DCST2: variants seen among roughly 807,000 people sequenced by gnomAD.
The protein encoded by DCST2 is DC-STAMP domain containing 2, also known as DC-STAMP domain-containing protein 2.
A neutral mutation model predicts 81.8 loss-of-function variants in DCST2; 64 were observed. The observed-to-expected ratio is 0.78, with a 90% confidence interval of 0.64 to 0.96. The LOEUF (loss-of-function observed/expected upper bound fraction) is 0.96, where lower values mean the gene tolerates loss of function less well. Ranked by LOEUF, DCST2 falls within the 40% of genes least tolerant of loss-of-function variation. The pLI is 0.00. For synonymous variants in DCST2, 354 were observed against 402.6 expected, an observed-to-expected ratio of 0.88 and a Z score of 1.44; for missense variants, 945 against 1,001.4, an observed-to-expected ratio of 0.94 and a Z score of 0.76.
intron 8 of DCST2, 165 bp from the exon 9 acceptor site, chr1:155,026,880 G>A: frequency 1.3e-6 from 1 of 779,240 alleles, no homozygotes. Context: ...CCTGGGGCCT[G>A]ACCTCAGTTC....
chr1:155,018,822 T>C, intron 14 of DCST2, 62 bp from the exon 15 acceptor site: 2 of 1,491,924 alleles, frequency 1.3e-6, no homozygotes, highest in South Asian at 2.4e-5. Flanking sequence ...GGTGCATCCC[T>C]GCCCCCTGCC....
In DCST2 at chr1:155,024,096, C is replaced by A. The variant is rs60873083; in HGVS notation, c.1743-137G>T. 8,004 of 1,271,176 alleles carry A rather than the reference C, an allele frequency of 6.3e-3. 439 individuals are homozygous for A. The African/African-American group carries it at 0.11, about 17-fold the overall frequency. 78.7% of individuals were successfully genotyped at this position (1,271,176 alleles called of 1,614,324 possible). ...TCCTCCATCCCTCTGATTTCAGCAG[C>A]AACCTCTCCATGGCCCTGCCTTCCT... is the stretch of plus-strand genomic sequence containing the variant. On this transcript the variant is annotated intron_variant, in intron 11 of 14. Transcript: ENST00000368424.
At position 155,032,768 on chromosome 1, in the gene DCST2, C is replaced by A; in HGVS notation, c.440G>T (p.Ser147Ile). 1 of 1,614,016 alleles carries A rather than the reference C, an allele frequency of 6.2e-7. No individual in the cohort carries two copies. The highest frequency in any genetic ancestry group is 1.1e-5 in the South Asian group (1 of 91,076). Residue 147 changes from serine (S) to isoleucine (I), a missense_variant and splice_region_variant, in exon 3 of 15, where the codon AGT becomes ATT. Physicochemically the swap from Ser to Ile is moderately radical, Grantham distance 142. Transcript: ENST00000368424. ...AATAGCTTTAATCTTGTTCAGGGCA[C>A]CTGATGGGTGAGGGACAGAGGCACT... ...VLQRAKQPLV[S>I]ALNKIKAIAR... is the part of the protein sequence containing the mutation.
intron 12 of DCST2, 133 bp from the exon 13 acceptor site, chr1:155,023,590 G>A: frequency 6.5e-7 from 1 of 1,546,424 alleles, no homozygotes; most frequent in Non-Finnish European, 8.7e-7. Flanking sequence ...GCACACTAGG[G>A]AGCTGCTGCA....
chr1:155,018,776 A>G lies in DCST2; in HGVS notation c.2106-16T>C, dbSNP rs1659652780. The G allele has an allele frequency of 6.2e-7, 1 of 1,609,738 alleles. No homozygotes were observed. On this transcript the variant is annotated splice_polypyrimidine_tract_variant and intron_variant, in intron 14 of 14. Transcript: ENST00000368424. ...ATCCAGGTCACTAGTGAGGAGAGGAAGGGGGTGGCCGGATCACCCACCTTC... is the reference window on the plus strand; with the variant it reads ...ATCCAGGTCACTAGTGAGGAGAGGAGGGGGGTGGCCGGATCACCCACCTTC...
At position 155,031,515 on chromosome 1, in the gene DCST2, T is replaced by TTGCCCC; in HGVS notation, c.739+58_739+59insGGGGCA. On this transcript the variant is annotated intron_variant, in intron 4 of 14. Coordinates refer to ENST00000368424, the MANE Select transcript of DCST2 (RefSeq NM_144622.3). ...CTGCCCTCCCAACTGACCCCCACAT[T>TTGCCCC]CCCACCCCACCCCACCCCACATCGG... 78 of 643,122 alleles carry TTGCCCC rather than the reference T, an allele frequency of 1.2e-4. 5 individuals are homozygous for TTGCCCC. The highest frequency in any genetic ancestry group is 2.2e-4 in the Non-Finnish European group (74 of 343,054). The allele number at this position is 643,122 out of a possible 1,614,324, so 39.8% of individuals were successfully genotyped here.
intron 5 of DCST2, 28 bp downstream of exon 5, chr1:155,031,141 C>T (rs1379430678): frequency 6.3e-7 from 1 of 1,581,598 alleles, no homozygotes. Flanking sequence ...CTAGGGAGCA[C>T]CATATGTGGC....
chr1:155,027,074 C>G (rs999131983), intron 8 of DCST2, among the ~76,000 whole-genome samples: 3 of 151,898 alleles, frequency 2.0e-5, no homozygotes, highest in Non-Finnish European at 4.4e-5. Flanking sequence ...ACTTTGTCAC[C>G]CAGGCTGGAG....
At chr1:155,032,492 T>C (rs1660123769) in intron 3 of DCST2, among the ~76,000 whole-genome samples, 175 bp downstream of exon 3, 1 of 151,942 alleles carries the variant, frequency 6.6e-6, no homozygotes, top group Middle Eastern at 3.2e-3. Flanking sequence ...TATTTTTTTA[T>C]TTTTTATAGA....
rs555643451 is a variant in DCST2 at position 155,031,550 on chromosome 1, G to A, written c.739+24C>T. On this transcript the variant is annotated intron_variant, in intron 4 of 14. Transcript: ENST00000368424. ...CCCCACCCCACATCGGCTCCTCCCC[G>A]CTGGCAGACCCTGGTTTTCTCACGG... The A allele has an allele frequency of 2.5e-4, 72 of 285,910 alleles. 1 individual carries two copies. Among genetic ancestry groups the A allele is most frequent in the Admixed American group, 1.4e-3 (32 of 23,638 alleles). The allele number at this position is 285,910 out of a possible 1,614,324, so 17.7% of individuals were successfully genotyped here.
chr1:155,018,876 C>T (rs1659659326), intron 14 of DCST2, 116 bp from the exon 15 acceptor site: 2 of 1,025,964 alleles, frequency 1.9e-6, no homozygotes, highest in Non-Finnish European at 2.8e-6. Flanking sequence ...TTCTGAGCAA[C>T]TCCTGCTCTC....
At chr1:155,024,419 C>A in intron 11 of DCST2, 53 bp downstream of exon 11, 2 of 1,503,532 alleles carry the variant, frequency 1.3e-6, no homozygotes, top group South Asian at 1.4e-5. Context: ...CAACTCCTGG[C>A]TCTTTTTCTA....
Position 155,030,083 on chromosome 1 carries a change from C to A in DCST2, c.1177+1G>T, listed in dbSNP as rs887285247. 9.3e-6 allele frequency: 15 copies of A among 1,612,970 alleles called. No individual in the cohort carries two copies. The highest frequency in any genetic ancestry group is 1.2e-5 in the Non-Finnish European group (14 of 1,179,944). On this transcript the variant is annotated splice_donor_variant, in intron 7 of 14. Coordinates refer to ENST00000368424, the MANE Select transcript of DCST2 (RefSeq NM_144622.3). LOFTEE classifies it high-confidence loss of function. ...GCTCTCCCTGTCCTCAGGGCCCTCACCCGGTGGGATGTAGCGCCTGGCCTC... is the reference window on the plus strand; with the variant it reads ...GCTCTCCCTGTCCTCAGGGCCCTCAACCGGTGGGATGTAGCGCCTGGCCTC...
At position 155,033,116 on chromosome 1, in the gene DCST2, C is replaced by T. The variant is rs1243249743; in HGVS notation, c.417G>A (p.Gln139=). ...LALNQTAEVL[Q]RAKQPLVSAL... is the part of the protein sequence containing the mutation. ...TACTGACAAGAGGTTGCTTGGCCCT[C>T]TGTAGCACTTCGGCGGTCTGGTTCA... Residue 139 remains glutamine, a synonymous_variant, in exon 2 of 15, where the codon CAG becomes CAA. Transcript: ENST00000368424. 1 of 1,591,658 alleles carries T rather than the reference C, an allele frequency of 6.3e-7. No individual in the cohort carries two copies. The highest frequency in any genetic ancestry group is 8.5e-7 in the Non-Finnish European group (1 of 1,169,884).
chr1:155,031,495 C>T, intron 4 of DCST2, 79 bp downstream of exon 4: 1 of 1,468,560 alleles, frequency 6.8e-7, no homozygotes, highest in Non-Finnish European at 9.4e-7. Context: ...TGAGCCTGCC[C>T]TCCCAACTGA....
intron 1 of DCST2, 69 bp from the exon 2 acceptor site, chr1:155,033,333 C>A (rs1660159865): frequency 1.3e-6 from 2 of 1,585,138 alleles, no homozygotes; most frequent in Non-Finnish European, 1.7e-6. Context: ...CTTACATAAG[C>A]CTTCAGAATA....
chr1:155,027,554 C>CTTTTTTT (rs779621299), intron 8 of DCST2, among the ~76,000 whole-genome samples: 26 of 64,014 alleles, frequency 4.1e-4, no homozygotes, highest in African/African-American at 1.3e-3. Context: ...TTTTTTACTT[C>CTTTTTTT]TTTTTTTTTT....
intron 4 of DCST2, 32 bp from the exon 5 acceptor site, chr1:155,031,266 G>C (rs1376459473): frequency 3.2e-6 from 5 of 1,546,942 alleles, no homozygotes; most frequent in Non-Finnish European, 4.4e-6. Flanking sequence ...GTGTCGGAAG[G>C]AGGGGCACAG....
In DCST2 at chr1:155,026,313, A is replaced by T; in HGVS notation, c.1600T>A (p.Ser534Thr). Residue 534 changes from serine to threonine, a missense_variant, in exon 10 of 15, where the codon TCC becomes ACC. Ser to Thr is a moderately conservative substitution (Grantham distance 58). Coordinates refer to ENST00000368424, the MANE Select transcript of DCST2 (RefSeq NM_144622.3). The stretch of plus-strand genomic sequence containing the variant: ...CCCGGACCCCTCACCTGCTCCCGGG[A>T]TGGGTAGTAGGAGGCACAGATGACT... ...RRVICASYYPSREQERISYLY... is the reference protein window; with the variant it reads ...RRVICASYYPTREQERISYLY... The T allele has an allele frequency of 6.2e-7, 1 of 1,613,710 alleles. No homozygotes were observed. The highest frequency in any genetic ancestry group is 8.5e-7 in the Non-Finnish European group (1 of 1,179,988).
Sources: gnomAD v4.1 joint callset for allele counts (sites outside exome capture counted in the v4.1 genomes callset) on GRCh38, gnomAD v4.1.1 for gene constraint, MANE v1.5 for transcripts, NCBI Gene and HGNC (gene_info 2026-07-23, HGNC 2026-07-21) for gene names.